The following GABRB1 variants were observed in gnomAD, a reference collection of about 807,000 sequenced individuals.
The protein encoded by GABRB1 is gamma-aminobutyric acid receptor subunit beta-1.
In GABRB1, 17 loss-of-function variants were observed where a neutral mutation model predicts 51.6. The ratio of observed to expected loss-of-function variants is 0.33; its 90% CI spans 0.23 to 0.49. The LOEUF is 0.49. GABRB1 is among the 20% of genes least tolerant of loss of function. The pLI is 0.99. For missense variants in GABRB1, 410 were observed against 600.6 expected, an observed-to-expected ratio of 0.68 and a Z score of 3.32; for synonymous variants, 247 against 218.9, an observed-to-expected ratio of 1.13 and a Z score of -1.14.
intron 8 of GABRB1, among the ~76,000 whole-genome samples, chr4:47,424,873 T>C (rs747329648): frequency 1.3e-5 from 2 of 152,176 alleles, no homozygotes; most frequent in Admixed American, 6.5e-5. Flanking sequence ...AAACCTGGGA[T>C]AGGTATCACT....
At chr4:47,282,938 A>G (rs1364461136) in intron 4 of GABRB1, among the ~76,000 whole-genome samples, 2 of 152,222 alleles carry the variant, frequency 1.3e-5, no homozygotes, top group East Asian at 3.8e-4. Flanking sequence ...GGCTGTGTGC[A>G]GTAATTGGGC....
At chr4:47,364,020 A>G (rs568889541) in intron 5 of GABRB1, among the ~76,000 whole-genome samples, 1 of 152,194 alleles carries the variant, frequency 6.6e-6, no homozygotes, top group South Asian at 2.1e-4. Flanking sequence ...AAACTAATCT[A>G]CTTCTCATGC....
intron 5 of GABRB1, among the ~76,000 whole-genome samples, chr4:47,335,755 G>T (rs1725674746): frequency 6.6e-6 from 1 of 152,120 alleles, no homozygotes; most frequent in African/African-American, 2.4e-5. Flanking sequence ...ATGATAGCAT[G>T]ACTAGAAGTA....
intron 3 of GABRB1, among the ~76,000 whole-genome samples, chr4:47,058,158 C>T (rs922098068): frequency 1.3e-5 from 2 of 152,160 alleles, no homozygotes; most frequent in African/African-American, 4.8e-5. Context: ...CAAGGATTCA[C>T]GAGATGCTGA....
chr4:47,067,583 GCTTC>G (rs964011105), intron 3 of GABRB1, among the ~76,000 whole-genome samples: 7 of 151,736 alleles, frequency 4.6e-5, no homozygotes, highest in Admixed American at 2.0e-4. Flanking sequence ...TATAGTGGTG[GCTTC>G]CTTCCTTTTT....
intron 5 of GABRB1, among the ~76,000 whole-genome samples, chr4:47,339,190 G>T (rs187986276): frequency 6.6e-6 from 1 of 152,304 alleles, no homozygotes; most frequent in East Asian, 1.9e-4. Flanking sequence ...AGAAAATCCA[G>T]GTGGAAGAAT....
intron 4 of GABRB1, among the ~76,000 whole-genome samples, chr4:47,253,233 G>T (rs772339737): frequency 1.3e-5 from 2 of 152,172 alleles, no homozygotes; most frequent in African/African-American, 4.8e-5. Context: ...ATTTTTTACC[G>T]TTAGGCATTT....
At chr4:47,350,464 C>A (rs971549097) in intron 5 of GABRB1, among the ~76,000 whole-genome samples, 3 of 151,570 alleles carry the variant, frequency 2.0e-5, no homozygotes, top group South Asian at 2.1e-4. Context: ...GCCACTTATG[C>A]GGGTCATTAC....
chr4:47,409,477 G>A (rs371824849), intron 8 of GABRB1, among the ~76,000 whole-genome samples: 3 of 152,222 alleles, frequency 2.0e-5, no homozygotes, highest in East Asian at 1.9e-4. Context: ...AACTTCTCTC[G>A]ACATTCAGAC....
intron 4 of GABRB1, among the ~76,000 whole-genome samples, chr4:47,167,452 C>G (rs1197871784): frequency 1.3e-5 from 2 of 152,010 alleles, no homozygotes; most frequent in African/African-American, 4.8e-5. Context: ...TCCTCCTAGC[C>G]CCTACAATTG....
intron 3 of GABRB1, among the ~76,000 whole-genome samples, chr4:47,098,542 C>G (rs910214041): frequency 2.0e-5 from 3 of 152,020 alleles, no homozygotes; most frequent in African/African-American, 4.8e-5. Context: ...TGTATTGAAA[C>G]TGATTTATAA....
chr4:47,164,689 A>C (rs917640890), intron 4 of GABRB1, among the ~76,000 whole-genome samples: 1 of 152,118 alleles, frequency 6.6e-6, no homozygotes, highest in Non-Finnish European at 1.5e-5. Context: ...GCTCAATATG[A>C]GATACTATAA....
intron 3 of GABRB1, among the ~76,000 whole-genome samples, chr4:47,073,676 C>T (rs1354244497): frequency 6.6e-6 from 1 of 152,164 alleles, no homozygotes; most frequent in Non-Finnish European, 1.5e-5. Context: ...TAATCTCCTG[C>T]CTTTAAGCTG....
At chr4:47,070,026 G>GTT (rs199808113) in intron 3 of GABRB1, among the ~76,000 whole-genome samples, 2 of 145,612 alleles carry the variant, frequency 1.4e-5, no homozygotes, top group African/African-American at 2.5e-5. Context: ...CGTTGTTGCT[G>GTT]TTTTTTTTTT....
At chr4:47,282,168 T>C (rs1723315365) in intron 4 of GABRB1, among the ~76,000 whole-genome samples, 1 of 152,220 alleles carries the variant, frequency 6.6e-6, no homozygotes, top group Non-Finnish European at 1.5e-5. Flanking sequence ...CAATTATTTG[T>C]CAGTTAAAAA....
At chr4:47,019,672 T>TTTCTTTCTTTCTTTCC (rs1560498213) in intron 1 of GABRB1, among the ~76,000 whole-genome samples, 1 of 141,040 alleles carries the variant, frequency 7.1e-6, no homozygotes, top group Non-Finnish European at 1.5e-5. Context: ...TCTTTCTTTC[T>TTTCTTTCTTTCTTTCC]TTCTTTCCTT....
chr4:47,078,245 A>C (rs1727661560), intron 3 of GABRB1, among the ~76,000 whole-genome samples: 2 of 151,812 alleles, frequency 1.3e-5, no homozygotes, highest in Non-Finnish European at 2.9e-5. Context: ...TCAGCCTCCC[A>C]AAGTGCTGGG....
At chr4:47,074,177 A>T (rs1256546529) in intron 3 of GABRB1, among the ~76,000 whole-genome samples, 2 of 152,162 alleles carry the variant, frequency 1.3e-5, no homozygotes, top group Non-Finnish European at 2.9e-5. Flanking sequence ...TTTCATATAG[A>T]AAAAACATCC....
chr4:47,369,659 G>A (rs546382942), intron 5 of GABRB1, among the ~76,000 whole-genome samples: 3 of 152,086 alleles, frequency 2.0e-5, no homozygotes, highest in African/African-American at 4.8e-5. Context: ...ATCTCTTTGG[G>A]CCTTAGTTTT....
Sources: allele counts gnomAD v4.1 joint callset (sites outside exome capture counted in the v4.1 genomes callset), GRCh38; gene constraint gnomAD v4.1.1; transcripts MANE v1.5; gene names NCBI Gene and HGNC (gene_info 2026-07-23, HGNC 2026-07-21).